The following DPYSL3 variants were observed in gnomAD, a reference collection of about 807,000 sequenced individuals.
DPYSL3 encodes the protein dihydropyrimidinase-related protein 3.
Under a neutral mutation model 66.1 loss-of-function variants are expected in DPYSL3, and 16 were observed. The observed-to-expected ratio is 0.24, with a 90% CI of 0.16 to 0.37. The LOEUF (loss-of-function observed/expected upper bound fraction) is 0.37. Ranked by LOEUF, DPYSL3 falls within the 10% of genes least tolerant of loss-of-function variation. DPYSL3 has a pLI of 1.00. For synonymous variants in DPYSL3, 338 were observed against 345.1 expected (o/e 0.98, Z 0.23); for missense variants, 738 against 916.2 (o/e 0.81, Z 2.51).
intron 1 of DPYSL3, among the ~76,000 whole-genome samples, chr5:147,496,380 A>G (rs969563050): frequency 1.3e-5 from 2 of 152,238 alleles, no homozygotes; most frequent in African/African-American, 4.8e-5. Flanking sequence ...AATGGCAACA[A>G]AAGACAAAAT....
intron 1 of DPYSL3, chr5:147,473,445 T>C (rs1424646021): frequency 6.6e-6 from 1 of 152,194 alleles, no homozygotes; most frequent in Non-Finnish European, 1.5e-5. Context: ...TTGCTTCCAT[T>C]ACAACACTTA....
chr5:147,440,415 T>C (rs1752511009), intron 1 of DPYSL3, among the ~76,000 whole-genome samples: 1 of 152,248 alleles, frequency 6.6e-6, no homozygotes, highest in African/African-American at 2.4e-5. Context: ...ATTATGTCTT[T>C]GTAAAACTCT....
intron 3 of DPYSL3, among the ~76,000 whole-genome samples, chr5:147,416,516 AT>A (rs201995900): frequency 4.4e-4 from 67 of 152,112 alleles, no homozygotes; most frequent in African/African-American, 1.6e-3. Context: ...CCATGGATAC[AT>A]TTTTTTTAAA....
At chr5:147,474,571 C>T (rs1413031672) in intron 1 of DPYSL3, among the ~76,000 whole-genome samples, 1 of 152,044 alleles carries the variant, frequency 6.6e-6, no homozygotes, top group African/African-American at 2.4e-5. Flanking sequence ...TTGTTAGCCA[C>T]TCTATACTAT....
At chr5:147,484,645 C>T (rs1753300486) in intron 1 of DPYSL3, among the ~76,000 whole-genome samples, 1 of 152,170 alleles carries the variant, frequency 6.6e-6, no homozygotes, top group African/African-American at 2.4e-5. Flanking sequence ...TAAGCAAGTG[C>T]TCACTGGTAA....
At chr5:147,460,023 A>G (rs1752909503) in intron 1 of DPYSL3, among the ~76,000 whole-genome samples, 1 of 152,004 alleles carries the variant, frequency 6.6e-6, no homozygotes, top group African/African-American at 2.4e-5. Flanking sequence ...AGGCAGGAGA[A>G]TGGTGTGAAC....
At chr5:147,419,953 G>C (rs1182392626) in intron 2 of DPYSL3, among the ~76,000 whole-genome samples, 2 of 152,136 alleles carry the variant, frequency 1.3e-5, no homozygotes, top group Non-Finnish European at 2.9e-5. Context: ...ATGAAGAGTT[G>C]CCTGGCTTGT....
intron 2 of DPYSL3, among the ~76,000 whole-genome samples, chr5:147,421,343 C>A (rs565093372): frequency 2.4e-4 from 36 of 152,152 alleles, no homozygotes; most frequent in Admixed American, 1.3e-3. Flanking sequence ...AACTATAATC[C>A]ACTGCTCAAG....
chr5:147,453,179 T>C (rs1752770151), intron 1 of DPYSL3, among the ~76,000 whole-genome samples: 1 of 151,928 alleles, frequency 6.6e-6, no homozygotes, highest in South Asian at 2.1e-4. Context: ...AAAGGATCCT[T>C]AGACAAAAAG....
At chr5:147,472,952 T>C (rs1024294375) in intron 1 of DPYSL3, 2 of 152,210 alleles carry the variant, frequency 1.3e-5, no homozygotes, top group African/African-American at 4.8e-5. Context: ...GCTTGTACCA[T>C]GCCATTTTTC....
Position 147,392,862 on chromosome 5 carries a change from CAA to C in DPYSL3, c.*1171_*1172del, listed in dbSNP as rs1442845895. 6.6e-6 allele frequency: 1 copy of C among 152,228 alleles called. No homozygotes were observed. The highest frequency in any genetic ancestry group is 1.5e-5 in the Non-Finnish European group (1 of 68,050). The allele number at this position is 152,228 out of a possible 1,614,324, so 9.4% of individuals were successfully genotyped here. On this transcript the variant is annotated 3_prime_UTR_variant, in exon 14 of 14. Coordinates refer to ENST00000343218, the MANE Select transcript of DPYSL3 (RefSeq NM_001197294.2). The stretch of plus-strand genomic sequence containing the variant: ...GTCCACAAAATGTGCTCCCTCTGCT[CAA>C]GACTGACTTTGGCTTTCCCAGTTCC...
chr5:147,436,804 C>A (rs1356947072), intron 1 of DPYSL3, among the ~76,000 whole-genome samples: 1 of 152,120 alleles, frequency 6.6e-6, no homozygotes, highest in Non-Finnish European at 1.5e-5. Flanking sequence ...GCAGACGTGC[C>A]AAACCAGACT....
At chr5:147,501,818 G>T (rs4705040) in intron 1 of DPYSL3, among the ~76,000 whole-genome samples, 23,284 of 151,946 alleles carry the variant, frequency 0.15, 1,886 homozygotes, top group Middle Eastern at 0.22. Context: ...GTAAAAAATC[G>T]ACTACTCTCG....
At chr5:147,398,729 ACCAGTG>A (rs1300380408) in intron 11 of DPYSL3, among the ~76,000 whole-genome samples, 1 of 152,130 alleles carries the variant, frequency 6.6e-6, no homozygotes, top group Non-Finnish European at 1.5e-5. Context: ...ACTGGCTAAG[ACCAGTG>A]CCATGTGAGA....
chr5:147,508,658 A>G (rs1480202098), intron 1 of DPYSL3, among the ~76,000 whole-genome samples: 1 of 152,236 alleles, frequency 6.6e-6, no homozygotes, highest in African/African-American at 2.4e-5. Flanking sequence ...TCAGTGTGAC[A>G]TAAGTTTCTC....
chr5:147,500,071 A>G (rs2126457980), intron 1 of DPYSL3, among the ~76,000 whole-genome samples: 1 of 152,350 alleles, frequency 6.6e-6, no homozygotes, highest in East Asian at 1.9e-4. Context: ...TAAGATGCAA[A>G]CTATAAAACT....
chr5:147,488,554 A>C (rs1287202308), intron 1 of DPYSL3, among the ~76,000 whole-genome samples: 1 of 152,038 alleles, frequency 6.6e-6, no homozygotes, highest in East Asian at 1.9e-4. Context: ...CCATCTCTAC[A>C]AAAATTTTAA....
At chr5:147,478,528 T>C (rs1033113233) in intron 1 of DPYSL3, among the ~76,000 whole-genome samples, 2 of 152,332 alleles carry the variant, frequency 1.3e-5, no homozygotes, top group Non-Finnish European at 2.9e-5. Context: ...TATGACCCTG[T>C]GTAATTTGGC....
At chr5:147,396,505 G>A (rs1356247293) in intron 12 of DPYSL3, among the ~76,000 whole-genome samples, 1 of 152,216 alleles carries the variant, frequency 6.6e-6, no homozygotes, top group African/African-American at 2.4e-5. Flanking sequence ...AGGACGCGCT[G>A]CCAGAGGAGC....
Sources: allele counts gnomAD v4.1 joint callset (sites outside exome capture counted in the v4.1 genomes callset), GRCh38; gene constraint gnomAD v4.1.1; transcripts MANE v1.5; gene names NCBI Gene and HGNC (gene_info 2026-07-23, HGNC 2026-07-21).